The following KAZN variants were observed in gnomAD, a reference collection of about 807,000 sequenced individuals.
KAZN encodes the protein kazrin, periplakin interacting protein, also known as kazrin.
Under a neutral mutation model 87.4 loss-of-function variants are expected in KAZN, and 40 were observed. The ratio of observed to expected loss-of-function variants is 0.46; its 90% CI spans 0.36 to 0.60. The LOEUF (loss-of-function observed/expected upper bound fraction) is 0.60. Ranked by LOEUF, KAZN falls within the 20% of genes least tolerant of loss-of-function variation. The pLI is 0.00. For missense variants in KAZN, 898 were observed against 1,073.9 expected, an observed-to-expected ratio of 0.84 and a Z score of 2.29; for synonymous variants, 466 against 458.3, an observed-to-expected ratio of 1.02 and a Z score of -0.22.
chr1:14,702,052 T>C (rs1641952320), intron 1 of KAZN, among the ~76,000 whole-genome samples: 3 of 152,216 alleles, frequency 2.0e-5, no homozygotes, highest in Admixed American at 2.0e-4. Context: ...CCTCTGGTCC[T>C]TTCTCATATG....
intron 2 of KAZN, among the ~76,000 whole-genome samples, chr1:14,990,401 T>G (rs1667237964): frequency 6.6e-6 from 1 of 152,102 alleles, no homozygotes; most frequent in African/African-American, 2.4e-5. Flanking sequence ...TTTTTGTATT[T>G]TGTATGGAGA....
rs57203868 is a variant in KAZN, at chr1:14,727,450, C to CTTTTTTTT, written c.226+128266_226+128273dup. 1.8e-3 allele frequency among the ~76,000 whole-genome samples: 131 copies of CTTTTTTTT among 73,886 alleles called. 8 individuals are homozygous for CTTTTTTTT. Among genetic ancestry groups the CTTTTTTTT allele is most frequent in the Non-Finnish European group, 2.5e-3 (96 of 38,968 alleles). The allele number at this position is 73,886 out of a possible 152,430, so 48.5% of individuals were successfully genotyped here. ...GTCCATCACATTTATTGTGCACTTT[C>CTTTTTTTT]TTTTTTTTTTTTTTTTTTTTTTTTT... is the stretch of plus-strand genomic sequence containing the variant. On this transcript the variant is annotated intron_variant, in intron 1 of 14. Coordinates refer to ENST00000376030, the MANE Select transcript of KAZN (RefSeq NM_201628.3).
At chr1:14,592,555 G>A (rs1676264164) in intron 2 of KAZN, among the ~76,000 whole-genome samples, 1 of 152,208 alleles carries the variant, frequency 6.6e-6, no homozygotes, top group Non-Finnish European at 1.5e-5. Flanking sequence ...CAGCTTCTGA[G>A]AATTCCATGT....
chr1:14,211,860 T>C (rs1646860413), intron 2 of KAZN, among the ~76,000 whole-genome samples: 1 of 152,232 alleles, frequency 6.6e-6, no homozygotes, highest in Non-Finnish European at 1.5e-5. Flanking sequence ...GGTTTTATTG[T>C]TTTAAACTGA....
At chr1:14,871,464 G>A (rs1035398144) in intron 1 of KAZN, among the ~76,000 whole-genome samples, 1 of 152,022 alleles carries the variant, frequency 6.6e-6, no homozygotes, top group African/African-American at 2.4e-5. Context: ...TGTACAAGTC[G>A]CTCTGGTCTG....
chr1:14,603,682 G>T (rs1388932285), intron 1 of KAZN, among the ~76,000 whole-genome samples: 4 of 152,176 alleles, frequency 2.6e-5, no homozygotes, highest in Non-Finnish European at 5.9e-5. Context: ...TCTAACAGGA[G>T]CCTGGTCACA....
At chr1:14,385,291 A>T (rs577829416) in intron 2 of KAZN, among the ~76,000 whole-genome samples, 1 of 151,946 alleles carries the variant, frequency 6.6e-6, no homozygotes, top group Non-Finnish European at 1.5e-5. Flanking sequence ...TTTTTGAAAG[A>T]TTTTTTGTGT....
intron 2 of KAZN, among the ~76,000 whole-genome samples, chr1:14,299,055 T>C (rs1654338800): frequency 6.6e-6 from 1 of 152,202 alleles, no homozygotes; most frequent in East Asian, 1.9e-4. Context: ...GGTTACAGAG[T>C]ATCTACCCAT....
chr1:15,063,263 G>A (rs1358149950), intron 6 of KAZN: 1 of 398,954 alleles, frequency 2.5e-6, no homozygotes, highest in Non-Finnish European at 4.6e-6. Flanking sequence ...CTAACTCAGA[G>A]GACAGACTGG....
chr1:14,381,676 C>G (rs1394390541), intron 2 of KAZN, among the ~76,000 whole-genome samples: 1 of 152,096 alleles, frequency 6.6e-6, no homozygotes, highest in Non-Finnish European at 1.5e-5. Context: ...GAACATAACA[C>G]AACATAATAA....
intron 1 of KAZN, among the ~76,000 whole-genome samples, chr1:14,602,142 G>A (rs908391553): frequency 7.9e-5 from 12 of 152,212 alleles, no homozygotes; most frequent in African/African-American, 2.9e-4. Flanking sequence ...TTTTCCTAGC[G>A]GGTTAATGCA....
chr1:14,791,296 T>C (rs1022400268), intron 1 of KAZN, among the ~76,000 whole-genome samples: 1 of 152,160 alleles, frequency 6.6e-6, no homozygotes, highest in Non-Finnish European at 1.5e-5. Context: ...CCCAGATAAG[T>C]GGCTTTGGAG....
intron 1 of KAZN, among the ~76,000 whole-genome samples, chr1:14,139,220 C>T (rs1244606519): frequency 6.6e-6 from 1 of 152,204 alleles, no homozygotes; most frequent in South Asian, 2.1e-4. Context: ...TCCAAATTTG[C>T]TTTGCCCATA....
intron 1 of KAZN, among the ~76,000 whole-genome samples, chr1:14,875,481 T>C (rs892948239): frequency 8.1e-6 from 1 of 123,020 alleles, no homozygotes; most frequent in African/African-American, 2.7e-5. Flanking sequence ...CCTTAATTTA[T>C]TAAAAAAAAA....
chr1:15,110,273 G>A (rs1337691736), intron 13 of KAZN, among the ~76,000 whole-genome samples: 1 of 129,424 alleles, frequency 7.7e-6, no homozygotes, highest in African/African-American at 2.9e-5. Context: ...GTGTGTATAT[G>A]TGTGTATGTT....
intron 12 of KAZN, 147 bp downstream of exon 12, chr1:15,103,607 C>A: frequency 3.0e-6 from 2 of 668,790 alleles, no homozygotes; most frequent in Non-Finnish European, 5.4e-6. Flanking sequence ...AATTAATATC[C>A]CCTTTGTGTG....
chr1:14,396,041 C>A (rs1307821244), intron 2 of KAZN, among the ~76,000 whole-genome samples: 1 of 151,450 alleles, frequency 6.6e-6, no homozygotes, highest in African/African-American at 2.4e-5. Flanking sequence ...AGTGGCGCGC[C>A]CCTGTAATCC....
chr1:14,860,219 T>A (rs1430969761), intron 1 of KAZN, among the ~76,000 whole-genome samples: 5 of 151,774 alleles, frequency 3.3e-5, no homozygotes, highest in Non-Finnish European at 7.4e-5. Context: ...TTCAACAGGG[T>A]CTCACTCTGT....
At chr1:14,435,712 G>A (rs977058336) in intron 2 of KAZN, among the ~76,000 whole-genome samples, 20 of 152,308 alleles carry the variant, frequency 1.3e-4, no homozygotes, top group South Asian at 4.1e-4. Flanking sequence ...TCTTTAAACC[G>A]CAGCTACCTC....
Sources: allele counts gnomAD v4.1 joint callset (sites outside exome capture counted in the v4.1 genomes callset), GRCh38; gene constraint gnomAD v4.1.1; transcripts MANE v1.5; gene names NCBI Gene and HGNC (gene_info 2026-07-23, HGNC 2026-07-21).